Variants in SPECC1L observed in about 807,000 individuals in gnomAD.
SPECC1L encodes the protein cytospin-A.
In SPECC1L, 40 loss-of-function variants were observed where a neutral mutation model predicts 116.8. The observed-to-expected ratio is 0.34, with a 90% CI of 0.27 to 0.45. The LOEUF is 0.45. SPECC1L is among the 20% of genes least tolerant of loss of function. SPECC1L has a pLI of 1.00. For synonymous variants in SPECC1L, 504 were observed against 500.6 expected, an observed-to-expected ratio of 1.01 and a Z score of -0.09; for missense variants, 1,110 against 1,373.6, an observed-to-expected ratio of 0.81 and a Z score of 3.03.
chr22:24,388,075 C>CTT (rs148664403), intron 14 of SPECC1L, among the ~76,000 whole-genome samples: 1 of 151,780 alleles, frequency 6.6e-6, no homozygotes, highest in African/African-American at 2.4e-5. Context: ...TCTTAAAATT[C>CTT]TTTTTTTATT....
intron 14 of SPECC1L, among the ~76,000 whole-genome samples, chr22:24,383,247 ATAC>A (rs1480205448): frequency 6.6e-6 from 1 of 152,196 alleles, no homozygotes; most frequent in Non-Finnish European, 1.5e-5. Context: ...CTTAGCCTCT[ATAC>A]TATTTGAAAC....
intron 14 of SPECC1L, among the ~76,000 whole-genome samples, chr22:24,369,917 A>G (rs1390229808): frequency 1.3e-5 from 2 of 152,252 alleles, no homozygotes; most frequent in African/African-American, 4.8e-5. Context: ...CTGCTAAAAA[A>G]TACAATTTTG....
chr22:24,374,895 GA>G (rs920877261), intron 14 of SPECC1L, among the ~76,000 whole-genome samples: 73 of 148,228 alleles, frequency 4.9e-4, no homozygotes, highest in African/African-American at 1.3e-3. Context: ...GAAGATCAAT[GA>G]AAAAAAAATG....
intron 8 of SPECC1L, among the ~76,000 whole-genome samples, chr22:24,332,965 A>G (rs925858810): frequency 6.6e-6 from 1 of 152,182 alleles, no homozygotes; most frequent in Non-Finnish European, 1.5e-5. Flanking sequence ...GCAGTGGCTC[A>G]TGCCTGTGGT....
chr22:24,328,030 C>T (rs1426959979), intron 6 of SPECC1L, among the ~76,000 whole-genome samples: 4 of 152,244 alleles, frequency 2.6e-5, no homozygotes, highest in Non-Finnish European at 4.4e-5. Context: ...CAAAGTAACA[C>T]AGCCGTAAGC....
chr22:24,357,127 CAG>C (rs2041549334), intron 11 of SPECC1L, among the ~76,000 whole-genome samples: 1 of 152,094 alleles, frequency 6.6e-6, no homozygotes, highest in African/African-American at 2.4e-5. Flanking sequence ...CTAATTTCAG[CAG>C]AGAGATGGAA....
chr22:24,370,138 C>T (rs188606321), intron 14 of SPECC1L, among the ~76,000 whole-genome samples: 83 of 152,334 alleles, frequency 5.4e-4, no homozygotes, highest in African/African-American at 1.8e-3. Context: ...ATACAAATTT[C>T]ATGCAAAAGA....
intron 10 of SPECC1L, among the ~76,000 whole-genome samples, chr22:24,342,401 T>C (rs1346491912): frequency 1.3e-5 from 2 of 152,168 alleles, no homozygotes; most frequent in Non-Finnish European, 2.9e-5. Context: ...CCAGGTATGG[T>C]GACTCACGCC....
At chr22:24,325,088 G>T (rs1239129669) in intron 6 of SPECC1L, among the ~76,000 whole-genome samples, 1 of 152,194 alleles carries the variant, frequency 6.6e-6, no homozygotes. Context: ...ACAGCAGTTT[G>T]CCTGATCTCT....
chr22:24,336,389 CTGT>C (rs1349889770), intron 9 of SPECC1L, among the ~76,000 whole-genome samples: 1 of 151,910 alleles, frequency 6.6e-6, no homozygotes, highest in East Asian at 1.9e-4. Context: ...GTACCCAGAA[CTGT>C]TGTTAGTGGC....
chr22:24,394,431 C>T (rs990343664), intron 14 of SPECC1L, among the ~76,000 whole-genome samples: 2 of 152,248 alleles, frequency 1.3e-5, no homozygotes, highest in East Asian at 1.9e-4. Context: ...CCCTCATGAC[C>T]GCATTACTTC....
At position 24,325,232 on chromosome 22, in the gene SPECC1L, C is replaced by T. The variant is rs565385988; in HGVS notation, c.2146+805C>T. Among the ~76,000 whole-genome samples, 5 of 152,292 alleles carry T rather than the reference C, an allele frequency of 3.3e-5. No homozygotes were observed. In the South Asian group the frequency reaches 1.0e-3, roughly 32 times the overall value. ...GAAGACAGTAGATGGCAGTGTCCCT[C>T]ACAGTAGGAACACTGAAGAGGAAGG... On this transcript the variant is annotated intron_variant, in intron 6 of 16. Transcript: ENST00000314328.
At chr22:24,285,939 G>C (rs1289311958) in intron 2 of SPECC1L, among the ~76,000 whole-genome samples, 1 of 152,232 alleles carries the variant, frequency 6.6e-6, no homozygotes, top group South Asian at 2.1e-4. Flanking sequence ...CGCGCCTGGC[G>C]CGCTGTTCTT....
At chr22:24,325,135 T>C (rs1194311928) in intron 6 of SPECC1L, among the ~76,000 whole-genome samples, 1 of 152,168 alleles carries the variant, frequency 6.6e-6, no homozygotes, top group Non-Finnish European at 1.5e-5. Context: ...GAGTTATAAT[T>C]TGTAATTTAA....
intron 14 of SPECC1L, among the ~76,000 whole-genome samples, chr22:24,402,439 C>T (rs373562123): frequency 6.6e-6 from 1 of 151,854 alleles, no homozygotes; most frequent in Non-Finnish European, 1.5e-5. Context: ...GAAAAGGAAC[C>T]TCACTCACCT....
chr22:24,343,450 G>GTTT, intron 10 of SPECC1L: 2 of 402,642 alleles, frequency 5.0e-6, no homozygotes, highest in Admixed American at 5.2e-5. Flanking sequence ...AAATGGTTGT[G>GTTT]TTTTTTTTTT....
rs540967817 is a variant in SPECC1L, at chr22:24,341,615, G to C, written c.2652+3138G>C. On this transcript the variant is annotated intron_variant, in intron 10 of 16. Transcript: ENST00000314328. Reference sequence around the variant, plus strand: ...GGCAGCCTCTAAAATGTTCCCCAGCGATCCCCCATTGGTGGTAGTTGCTCC... The same window carrying C: ...GGCAGCCTCTAAAATGTTCCCCAGCCATCCCCCATTGGTGGTAGTTGCTCC... Among the ~76,000 whole-genome samples the C allele has an allele frequency of 2.0e-5, 3 of 152,296 alleles. No individual in the cohort carries two copies. In the South Asian group the frequency reaches 6.2e-4, roughly 32 times the overall value.
At chr22:24,361,765 C>A (rs2041649191) in intron 11 of SPECC1L, among the ~76,000 whole-genome samples, 2 of 151,992 alleles carry the variant, frequency 1.3e-5, no homozygotes, top group Admixed American at 1.3e-4. Flanking sequence ...CACTGCACTT[C>A]AGCCTGGACA....
chr22:24,369,104 T>G, intron 13 of SPECC1L, 114 bp from the exon 14 acceptor site: 1 of 755,722 alleles, frequency 1.3e-6, no homozygotes, highest in Non-Finnish European at 2.4e-6. Context: ...TGTCTTGCCT[T>G]TGTATTGCCT....
Sources: allele counts gnomAD v4.1 joint callset (sites outside exome capture counted in the v4.1 genomes callset), GRCh38; gene constraint gnomAD v4.1.1; transcripts MANE v1.5; gene names NCBI Gene and HGNC (gene_info 2026-07-23, HGNC 2026-07-21).